The following COG6 variants were observed in gnomAD, a reference collection of about 807,000 sequenced individuals.
COG6 encodes the protein component of oligomeric golgi complex 6.
In COG6, 74 loss-of-function variants were observed where a neutral mutation model predicts 88.8. That is an observed-to-expected ratio of 0.83 (90% CI 0.69 to 1.01). The LOEUF is 1.01. COG6 is among the 50% of genes least tolerant of loss of function. COG6 has a pLI of 0.00. For synonymous variants in COG6, 286 were observed against 278.7 expected, an observed-to-expected ratio of 1.03 and a Z score of -0.26; for missense variants, 800 against 797.9, an observed-to-expected ratio of 1.00 and a Z score of -0.03.
chr13:39,719,540 CTT>C lies in COG6; in HGVS notation c.1417-117_1417-116del, dbSNP rs1219732904. ...TAAAAAGCATTGATTTATGTTTAAT[CTT>C]TTCCTACGTGCTTCTATAAATTGGC... On this transcript the variant is annotated intron_variant, in intron 14 of 18. Transcript: ENST00000455146. 3.3e-6 allele frequency: 4 copies of C among 1,203,432 alleles called. No homozygotes were observed. The African/African-American group carries it at 6.0e-5, about 18-fold the overall frequency. 74.5% of individuals were successfully genotyped at this position (1,203,432 alleles called of 1,614,324 possible). A position where few individuals can be genotyped will look rare whatever the true frequency, so the allele number is the denominator to read the frequency against.
In COG6 at chr13:39,715,277, A is replaced by G. The variant is rs543142804; in HGVS notation, c.1285-3959A>G. On this transcript the variant is annotated intron_variant, in intron 13 of 18. Transcript: ENST00000455146. ...TACTCCTCTCTCTCTCTCTCTATAC[A>G]CACACACACACACACAAACACACAC... 1.7e-3 allele frequency among the ~76,000 whole-genome samples: 251 copies of G among 151,642 alleles called. 1 individual carries two copies. Among genetic ancestry groups the G allele is most frequent in the Middle Eastern group, 0.01 (3 of 294 alleles).
chr13:39,765,038 T>C (rs1004219779), intron 18 of COG6, among the ~76,000 whole-genome samples: 11 of 152,196 alleles, frequency 7.2e-5, no homozygotes, highest in African/African-American at 2.7e-4. Context: ...TCTAGATATA[T>C]AAATTCTATC....
downstream of COG6, chr13:39,752,730 C>G (rs541036560): frequency 9.6e-7 from 1 of 1,046,894 alleles, no homozygotes; most frequent in East Asian, 7.0e-5. Context: ...TAGGGCAAAA[C>G]TGAGGTAATC....
intron 18 of COG6, among the ~76,000 whole-genome samples, chr13:39,777,163 TTGGC>T (rs1419662994): frequency 1.3e-5 from 2 of 152,202 alleles, no homozygotes; most frequent in Non-Finnish European, 2.9e-5. Context: ...CCTGCCACTG[TTGGC>T]AGGGCCTTAT....
At chr13:39,660,937 A>T in intron 3 of COG6, 56 bp downstream of exon 3, 1 of 1,015,388 alleles carries the variant, frequency 9.8e-7, no homozygotes, top group Non-Finnish European at 1.6e-6. Flanking sequence ...TACAAAAATT[A>T]TTATTGACAA....
intron 15 of COG6, among the ~76,000 whole-genome samples, chr13:39,720,656 C>T (rs1053999343): frequency 2.6e-5 from 4 of 151,980 alleles, no homozygotes; most frequent in African/African-American, 9.7e-5. Flanking sequence ...TCCTCTCCAC[C>T]CCCAACATCT....
At chr13:39,702,048 C>T (rs1307680881) in intron 13 of COG6, among the ~76,000 whole-genome samples, 2 of 151,850 alleles carry the variant, frequency 1.3e-5, no homozygotes, top group African/African-American at 4.8e-5. Flanking sequence ...AGAATTAAAA[C>T]TTAGAGAGTA....
rs1203671335 is a variant in COG6 at position 39,684,243 on chromosome 13, ATT to A, written c.788+2003_788+2004del. ...GGGGGCAGTAATGGCAATTTGGAAG[ATT>A]TTTTTTTTTTTTTTTTTTTTTTTGA... is the stretch of plus-strand genomic sequence containing the variant. On this transcript the variant is annotated intron_variant, in intron 8 of 18. Coordinates refer to ENST00000455146, the MANE Select transcript of COG6 (RefSeq NM_020751.3). Among the ~76,000 whole-genome samples, 12 of 67,390 alleles carry A rather than the reference ATT, an allele frequency of 1.8e-4. No individual in the cohort carries two copies. In the East Asian group the frequency reaches 3.0e-3, roughly 17 times the overall value. The allele number at this position is 67,390 out of a possible 152,430, so 44.2% of individuals were successfully genotyped here. A position where few individuals can be genotyped will look rare whatever the true frequency, so the allele number is the denominator to read the frequency against.
intron 18 of COG6, among the ~76,000 whole-genome samples, chr13:39,766,223 A>G (rs1341102911): frequency 6.6e-6 from 1 of 152,130 alleles, no homozygotes; most frequent in Non-Finnish European, 1.5e-5. Flanking sequence ...AACACATTGC[A>G]TTCACCTTCC....
intron 18 of COG6, among the ~76,000 whole-genome samples, chr13:39,735,348 A>C (rs1352166652): frequency 6.6e-6 from 1 of 152,164 alleles, no homozygotes; most frequent in African/African-American, 2.4e-5. Flanking sequence ...ACAACTTAAC[A>C]TTGATTGTGT....
chr13:39,772,105 G>C (rs758124147), intron 18 of COG6, among the ~76,000 whole-genome samples: 3 of 152,220 alleles, frequency 2.0e-5, no homozygotes, highest in Non-Finnish European at 2.9e-5. Context: ...AGCTTGGTGT[G>C]ATTAGAACCC....
At chr13:39,779,979 A>T (rs1020331413) in intron 18 of COG6, among the ~76,000 whole-genome samples, 1 of 152,238 alleles carries the variant, frequency 6.6e-6, no homozygotes, top group East Asian at 1.9e-4. Context: ...ATTGGAAGAA[A>T]CTTGCTGATG....
intron 3 of COG6, among the ~76,000 whole-genome samples, chr13:39,662,481 G>A (rs951933547): frequency 6.6e-6 from 1 of 151,986 alleles, no homozygotes; most frequent in African/African-American, 2.4e-5. Flanking sequence ...CTTCTGCAGT[G>A]GCATGGGCCT....
chr13:39,732,914 T>C (rs569958845), intron 18 of COG6, among the ~76,000 whole-genome samples: 3 of 152,226 alleles, frequency 2.0e-5, no homozygotes, highest in East Asian at 1.9e-4. Flanking sequence ...AATCAAATTA[T>C]TGAAAACCAG....
At chr13:39,726,073 T>C (rs909195763) in intron 17 of COG6, among the ~76,000 whole-genome samples, 1 of 152,010 alleles carries the variant, frequency 6.6e-6, no homozygotes, top group Non-Finnish European at 1.5e-5. Flanking sequence ...ATACGATGTC[T>C]CTGGAGAAAC....
At chr13:39,759,630 T>C (rs9548926) in intron 18 of COG6, among the ~76,000 whole-genome samples, 63,233 of 151,946 alleles carry the variant, frequency 0.42, 13,555 homozygotes, top group Admixed American at 0.57. Flanking sequence ...TCTGAGAGAA[T>C]GTGCTTTGGA....
intron 18 of COG6, among the ~76,000 whole-genome samples, chr13:39,758,135 A>G (rs1015642567): frequency 6.7e-5 from 10 of 148,222 alleles, no homozygotes; most frequent in African/African-American, 2.3e-4. Context: ...CAGGAGAATC[A>G]CTTGAACCTG....
At chr13:39,701,882 T>C (rs574372062) in intron 13 of COG6, among the ~76,000 whole-genome samples, 22 of 151,920 alleles carry the variant, frequency 1.4e-4, no homozygotes, top group Non-Finnish European at 2.7e-4. Flanking sequence ...AATGAAGATA[T>C]ATGGAAAGGA....
At chr13:39,744,482 C>A (rs539592852) in intron 18 of COG6, among the ~76,000 whole-genome samples, 3 of 152,292 alleles carry the variant, frequency 2.0e-5, no homozygotes, top group Middle Eastern at 6.8e-3. Flanking sequence ...AGAGCCAAAT[C>A]ATGAGTGAAC....
Sources: allele counts gnomAD v4.1 joint callset (sites outside exome capture counted in the v4.1 genomes callset), GRCh38; gene constraint gnomAD v4.1.1; transcripts MANE v1.5; gene names NCBI Gene and HGNC (gene_info 2026-07-23, HGNC 2026-07-21).